NAALADL2: variants seen among roughly 807,000 people sequenced by gnomAD.
NAALADL2 encodes the protein inactive N-acetylated-alpha-linked acidic dipeptidase-like protein 2.
In NAALADL2, 76 loss-of-function variants were observed where a neutral mutation model predicts 87.2. The observed-to-expected ratio is 0.87, with a 90% confidence interval of 0.72 to 1.05. The LOEUF (loss-of-function observed/expected upper bound fraction) is 1.05. Ranked by LOEUF, NAALADL2 falls within the 50% of genes least tolerant of loss-of-function variation. NAALADL2 has a pLI of 0.00. For synonymous variants in NAALADL2, 354 were observed against 331.0 expected (o/e 1.07, Z -0.75); for missense variants, 1,089 against 945.8 (o/e 1.15, Z -1.99).
intron 9 of NAALADL2, among the ~76,000 whole-genome samples, chr3:175,558,710 C>T (rs184131210): frequency 3.0e-4 from 46 of 152,182 alleles, no homozygotes; most frequent in Non-Finnish European, 4.9e-4. Context: ...TCCTTGACAA[C>T]GTTGTTGAAA....
At chr3:174,993,264 G>A (rs545535171) in intron 1 of NAALADL2, among the ~76,000 whole-genome samples, 1 of 152,122 alleles carries the variant, frequency 6.6e-6, no homozygotes, top group East Asian at 1.9e-4. Flanking sequence ...AGGATTCAAA[G>A]GGGGAAAATG....
At chr3:175,538,289 T>C (rs1482374833) in intron 9 of NAALADL2, among the ~76,000 whole-genome samples, 1 of 152,086 alleles carries the variant, frequency 6.6e-6, no homozygotes, top group Non-Finnish European at 1.5e-5. Context: ...AATGTTAATA[T>C]AATATTACAC....
chr3:175,605,176 T>C (rs1443850213), intron 10 of NAALADL2, among the ~76,000 whole-genome samples: 2 of 152,174 alleles, frequency 1.3e-5, no homozygotes, highest in Non-Finnish European at 2.9e-5. Flanking sequence ...CACCAGACCC[T>C]TTGCAGCTCA....
intron 3 of NAALADL2, among the ~76,000 whole-genome samples, chr3:174,745,282 A>G (rs1241725415): frequency 6.6e-6 from 1 of 152,162 alleles, no homozygotes; most frequent in African/African-American, 2.4e-5. Context: ...CCCCACAGAA[A>G]TACAAACAAC....
chr3:175,230,529 G>C (rs974943333), intron 2 of NAALADL2, among the ~76,000 whole-genome samples: 3 of 151,936 alleles, frequency 2.0e-5, no homozygotes, highest in African/African-American at 4.8e-5. Flanking sequence ...CTCCTCACTG[G>C]TAATCATGAA....
intron 10 of NAALADL2, among the ~76,000 whole-genome samples, chr3:175,581,737 A>C (rs1337912687): frequency 6.6e-6 from 1 of 152,220 alleles, no homozygotes; most frequent in Admixed American, 6.5e-5. Flanking sequence ...ATATAATGTT[A>C]CTAGCATTAT....
In NAALADL2 at chr3:175,614,735, A is replaced by G. The variant is rs116892413; in HGVS notation, c.1801-12556A>G. ...TAGTGTTTTGAATATGAGTGCATGCATAAAACTCAGCTGATCAAGGTTGAA... is the reference window on the plus strand; with the variant it reads ...TAGTGTTTTGAATATGAGTGCATGCGTAAAACTCAGCTGATCAAGGTTGAA... On this transcript the variant is annotated intron_variant, in intron 10 of 13. Coordinates refer to ENST00000454872, the MANE Select transcript of NAALADL2 (RefSeq NM_207015.3). Among the ~76,000 whole-genome samples the G allele has an allele frequency of 7.7e-4, 117 of 152,338 alleles. 1 individual carries two copies. The East Asian group carries it at 0.021, about 27-fold the overall frequency.
intron 11 of NAALADL2, among the ~76,000 whole-genome samples, chr3:175,705,314 C>T (rs1739529463): frequency 6.6e-6 from 1 of 152,054 alleles, no homozygotes; most frequent in Non-Finnish European, 1.5e-5. Context: ...TAAAACCCAT[C>T]GTGCTTGCTT....
At chr3:175,596,463 A>C (rs542466843) in intron 10 of NAALADL2, among the ~76,000 whole-genome samples, 1 of 152,138 alleles carries the variant, frequency 6.6e-6, no homozygotes, top group East Asian at 1.9e-4. Context: ...GGAATAGACT[A>C]TTATCACTAT....
intron 5 of NAALADL2, among the ~76,000 whole-genome samples, chr3:175,326,975 A>C (rs1760789327): frequency 6.6e-6 from 1 of 152,262 alleles, no homozygotes; most frequent in African/African-American, 2.4e-5. Context: ...TTTCAATTTA[A>C]GAACTTTGTT....
At chr3:174,866,507 A>G (rs1727164066) in intron 1 of NAALADL2, among the ~76,000 whole-genome samples, 1 of 151,894 alleles carries the variant, frequency 6.6e-6, no homozygotes, top group African/African-American at 2.4e-5. Context: ...CACTGTTAAA[A>G]CTTCAGAATA....
intron 2 of NAALADL2, among the ~76,000 whole-genome samples, chr3:174,722,784 A>C (rs1394580437): frequency 3.9e-5 from 6 of 152,228 alleles, no homozygotes; most frequent in Non-Finnish European, 7.3e-5. Flanking sequence ...GTAATGAAAC[A>C]AAATGTAGTT....
Position 175,465,047 on chromosome 3 carries a change from A to G in NAALADL2, c.1327+1554A>G, listed in dbSNP as rs566864374. Among the ~76,000 whole-genome samples the G allele has an allele frequency of 2.0e-5, 3 of 152,264 alleles. No individual in the cohort carries two copies. In the East Asian group the frequency reaches 5.8e-4, roughly 29 times the overall value. The stretch of plus-strand genomic sequence containing the variant: ...CCATTAGTATTCTTCAGTATATGAT[A>G]TGCAGAGTTTCTCAAATTTTGCTTA... On this transcript the variant is annotated intron_variant, in intron 7 of 13. Transcript: ENST00000454872.
chr3:175,308,627 C>A (rs1757987460), intron 4 of NAALADL2, among the ~76,000 whole-genome samples: 1 of 152,078 alleles, frequency 6.6e-6, no homozygotes, highest in African/African-American at 2.4e-5. Context: ...TAAATAATAT[C>A]TAGGATTTGA....
At chr3:175,098,035 C>T (rs1242452164) in intron 2 of NAALADL2, among the ~76,000 whole-genome samples, 1 of 152,044 alleles carries the variant, frequency 6.6e-6, no homozygotes, top group Non-Finnish European at 1.5e-5. Flanking sequence ...GAAGCATGTC[C>T]ACTGAAGATG....
intron 3 of NAALADL2, among the ~76,000 whole-genome samples, chr3:174,793,939 G>C (rs1285573944): frequency 6.6e-6 from 1 of 151,736 alleles, no homozygotes; most frequent in Non-Finnish European, 1.5e-5. Flanking sequence ...TATCCTTGAA[G>C]AAATCATTTG....
At chr3:175,248,954 T>G (rs922404583) in intron 3 of NAALADL2, among the ~76,000 whole-genome samples, 1 of 152,064 alleles carries the variant, frequency 6.6e-6, no homozygotes, top group African/African-American at 2.4e-5. Flanking sequence ...CAAACAGAAT[T>G]ATATAGTTCT....
chr3:174,510,887 A>T (rs1719558661), intron 1 of NAALADL2, among the ~76,000 whole-genome samples: 1 of 151,882 alleles, frequency 6.6e-6, no homozygotes, highest in Admixed American at 6.6e-5. Context: ...ATAAATTGTG[A>T]CATGACGTGT....
intron 9 of NAALADL2, among the ~76,000 whole-genome samples, chr3:175,479,863 A>T (rs1185225522): frequency 6.6e-6 from 1 of 151,734 alleles, no homozygotes; most frequent in East Asian, 1.9e-4. Flanking sequence ...TTAATCCTGA[A>T]AAAACAGTTC....
Sources: allele counts gnomAD v4.1 joint callset (sites outside exome capture counted in the v4.1 genomes callset), GRCh38; gene constraint gnomAD v4.1.1; transcripts MANE v1.5; gene names NCBI Gene and HGNC (gene_info 2026-07-23, HGNC 2026-07-21).